Variants in PRKN observed in about 807,000 individuals in gnomAD.
PRKN encodes the protein parkin RBR E3 ubiquitin protein ligase.
In PRKN, 56 loss-of-function variants were observed where a neutral mutation model predicts 59.5. The observed-to-expected ratio is 0.94, with a 90% confidence interval of 0.76 to 1.18. The LOEUF is 1.18. Among genes scored for constraint, PRKN ranks in the 50% most tolerant of loss-of-function variants. The pLI is 0.00. For missense variants in PRKN, 657 were observed against 596.4 expected (o/e 1.10, Z -1.06); for synonymous variants, 250 against 222.1 (o/e 1.13, Z -1.12).
chr6:162,347,990 T>C (rs866389230), intron 2 of PRKN, among the ~76,000 whole-genome samples: 42 of 152,154 alleles, frequency 2.8e-4, no homozygotes, highest in Middle Eastern at 3.2e-3. Flanking sequence ...GACGATGGCC[T>C]CCAAATTTCA....
chr6:161,545,556 T>C lies in PRKN; in HGVS notation c.1083+3298A>G. Reference sequence around the variant, plus strand: ...ATTTCTTCCAGACAATGGCTTTCCATTACACTCCTTAAACCCAGAAAAGAT... The same window carrying C: ...ATTTCTTCCAGACAATGGCTTTCCACTACACTCCTTAAACCCAGAAAAGAT... On this transcript the variant is annotated intron_variant, in intron 9 of 11. Transcript: ENST00000366898. The surrounding 1 kb of genome is among the most constrained non-coding windows in gnomAD (Gnocchi z 4.1). 2 of 757,722 alleles carry C rather than the reference T, an allele frequency of 2.6e-6. No individual in the cohort carries two copies. The highest frequency in any genetic ancestry group is 3.1e-5 in the South Asian group (2 of 65,434). 46.9% of individuals were successfully genotyped at this position (757,722 alleles called of 1,614,324 possible).
intron 1 of PRKN, among the ~76,000 whole-genome samples, chr6:162,701,224 T>C (rs1778140493): frequency 6.6e-6 from 1 of 152,110 alleles, no homozygotes. Context: ...ATAATTGTAA[T>C]GAACAACAAC....
intron 6 of PRKN, among the ~76,000 whole-genome samples, chr6:161,862,663 C>T (rs1008193181): frequency 3.9e-5 from 6 of 152,026 alleles, no homozygotes; most frequent in African/African-American, 1.4e-4. Context: ...GAGGAATGAA[C>T]CACCATGGCT....
intron 7 of PRKN, among the ~76,000 whole-genome samples, chr6:161,697,721 C>G (rs1326416007): frequency 6.6e-6 from 1 of 152,084 alleles, no homozygotes; most frequent in East Asian, 1.9e-4. Context: ...TGACCATTAT[C>G]CAGGAAAACT....
chr6:162,588,784 C>T (rs1781179684), intron 1 of PRKN, among the ~76,000 whole-genome samples: 1 of 152,140 alleles, frequency 6.6e-6, no homozygotes, highest in Non-Finnish European at 1.5e-5. Context: ...ATCTCCTGAC[C>T]TCGTGATCCA....
Position 161,393,324 on chromosome 6 carries a change from G to A in PRKN, c.1084-6447C>T, listed in dbSNP as rs188646324. On this transcript the variant is annotated intron_variant, in intron 9 of 11. Coordinates refer to ENST00000366898, the MANE Select transcript of PRKN (RefSeq NM_004562.3). This position sits in a 1 kb window ranked among gnomAD's most constrained non-coding sequence, Gnocchi z 4.7. Reference sequence around the variant, plus strand: ...TAATAATGACTGTTATGTGAATCTCGGGTAAAACTGACACCTCCCCAGAAA... The same window carrying A: ...TAATAATGACTGTTATGTGAATCTCAGGTAAAACTGACACCTCCCCAGAAA... Among the ~76,000 whole-genome samples, 2 of 151,994 alleles carry A rather than the reference G, an allele frequency of 1.3e-5. No homozygotes were observed. The highest frequency in any genetic ancestry group is 1.9e-4 in the East Asian group (1 of 5,186).
rs781037446 is a variant in PRKN, at chr6:162,056,643, G to C, written c.535-2469C>G. Among the ~76,000 whole-genome samples the C allele has an allele frequency of 3.3e-5, 5 of 152,168 alleles. No individual in the cohort carries two copies. The highest frequency in any genetic ancestry group is 7.3e-5 in the Non-Finnish European group (5 of 68,034). On this transcript the variant is annotated intron_variant, in intron 4 of 11. Transcript: ENST00000366898. The surrounding 1 kb of genome is among the most constrained non-coding windows in gnomAD (Gnocchi z 4.9). ...CAAGCTTGGCCCTTGGCTGGCATCTGGGAATGTGAATTTTGGAAGCGTCCA... is the reference window on the plus strand; with the variant it reads ...CAAGCTTGGCCCTTGGCTGGCATCTCGGAATGTGAATTTTGGAAGCGTCCA...
intron 2 of PRKN, among the ~76,000 whole-genome samples, chr6:162,439,809 G>T (rs1489269525): frequency 6.6e-6 from 1 of 151,784 alleles, no homozygotes; most frequent in Non-Finnish European, 1.5e-5. Flanking sequence ...GTTTTCTCTA[G>T]TTTTTTTATT....
rs1779684547 is a variant in PRKN at position 162,558,123 on chromosome 6, G to A, written c.8-114650C>T. On this transcript the variant is annotated intron_variant, in intron 1 of 11. Coordinates refer to ENST00000366898, the MANE Select transcript of PRKN (RefSeq NM_004562.3). ...TAGATGGCTGCTCCTTACGACAAAGGTTTTATTTGGTGATTTGATGATAAA... is the reference window on the plus strand; with the variant it reads ...TAGATGGCTGCTCCTTACGACAAAGATTTTATTTGGTGATTTGATGATAAA... 4.6e-5 allele frequency among the ~76,000 whole-genome samples: 7 copies of A among 152,048 alleles called. No individual in the cohort carries two copies. In the South Asian group the frequency reaches 1.5e-3, roughly 32 times the overall value.
chr6:162,295,831 C>G lies in PRKN; in HGVS notation c.172-33066G>C, dbSNP rs563207587. Among the ~76,000 whole-genome samples the G allele has an allele frequency of 4.5e-4, 69 of 152,262 alleles. 1 individual carries two copies. The highest frequency in any genetic ancestry group is 1.2e-3 in the African/African-American group (48 of 41,554). On this transcript the variant is annotated intron_variant, in intron 2 of 11. Coordinates refer to ENST00000366898, the MANE Select transcript of PRKN (RefSeq NM_004562.3). The stretch of plus-strand genomic sequence containing the variant: ...TGGCTGCCACTGCAGTTGTCAGAAT[C>G]TGAAATTCAGGAGATGCCCCTTGAC...
At chr6:162,161,021 G>A (rs1782735653) in intron 4 of PRKN, among the ~76,000 whole-genome samples, 1 of 151,958 alleles carries the variant, frequency 6.6e-6, no homozygotes, top group African/African-American at 2.4e-5. Flanking sequence ...CTGTCTATAG[G>A]CAAGGATGGC....
chr6:162,443,871 G>T (rs1159092816), intron 1 of PRKN, among the ~76,000 whole-genome samples: 2 of 151,612 alleles, frequency 1.3e-5, no homozygotes, highest in African/African-American at 4.9e-5. Flanking sequence ...ATAAAAATAG[G>T]AGGCGATGTG....
chr6:162,035,538 T>C (rs1335153298), intron 5 of PRKN, among the ~76,000 whole-genome samples: 2 of 152,228 alleles, frequency 1.3e-5, no homozygotes, highest in Non-Finnish European at 2.9e-5. Context: ...TAAGTCCATC[T>C]GATTTATTTT....
chr6:162,724,842 G>A lies in PRKN; in HGVS notation c.7+2820C>T, dbSNP rs147472099. Among the ~76,000 whole-genome samples the A allele has an allele frequency of 2.0e-3, 297 of 152,286 alleles. 3 individuals are homozygous for A. Among genetic ancestry groups the A allele is most frequent in the African/African-American group, 6.6e-3 (276 of 41,554 alleles). ...TTCTGTTTTATCTAAGTAGTACAAC[G>A]AAGGTCATAAAAAGCCTGAGTAGGC... is the stretch of plus-strand genomic sequence containing the variant. On this transcript the variant is annotated intron_variant, in intron 1 of 11. Coordinates refer to ENST00000366898, the MANE Select transcript of PRKN (RefSeq NM_004562.3).
Position 161,499,287 on chromosome 6 carries a change from A to G in PRKN, c.1083+49567T>C, listed in dbSNP as rs773814132. Among the ~76,000 whole-genome samples the G allele has an allele frequency of 5.3e-5, 8 of 152,136 alleles. No homozygotes were observed. The highest frequency in any genetic ancestry group is 3.3e-4 in the Admixed American group (5 of 15,274). On this transcript the variant is annotated intron_variant, in intron 9 of 11. Transcript: ENST00000366898. This position sits in a 1 kb window ranked among gnomAD's most constrained non-coding sequence, Gnocchi z 4.2. ...CCTCCACTCCTTCCCTTCAGTTGCT[A>G]TTTGTCATTACACATAAATGTCTGT... is the stretch of plus-strand genomic sequence containing the variant.
At chr6:161,972,033 T>C (rs3016544) in intron 6 of PRKN, among the ~76,000 whole-genome samples, 72,582 of 151,960 alleles carry the variant, frequency 0.48, 17,466 homozygotes, top group Middle Eastern at 0.59. Flanking sequence ...CAGCACTTGG[T>C]GGGGCTAAGG....
intron 7 of PRKN, among the ~76,000 whole-genome samples, chr6:161,669,764 C>A (rs56016730): frequency 0.088 from 13,463 of 152,248 alleles, 891 homozygotes; most frequent in African/African-American, 0.18. Flanking sequence ...ACTGTTTCTA[C>A]ATGTGGTGTG....
At chr6:162,580,109 G>A (rs983106887) in intron 1 of PRKN, among the ~76,000 whole-genome samples, 2 of 152,114 alleles carry the variant, frequency 1.3e-5, no homozygotes, top group East Asian at 1.9e-4. Flanking sequence ...CTGGACTTTC[G>A]GTGACAAGGA....
At chr6:161,743,626 C>T (rs1404305404) in intron 7 of PRKN, among the ~76,000 whole-genome samples, 1 of 151,998 alleles carries the variant, frequency 6.6e-6, no homozygotes, top group Admixed American at 6.6e-5. Context: ...TTGTCCTCCG[C>T]CCCCACTTGC....
Sources: gnomAD v4.1 joint callset for allele counts (sites outside exome capture counted in the v4.1 genomes callset) on GRCh38, gnomAD v4.1.1 for gene constraint, Gnocchi (gnomAD v3.1) non-coding constraint, MANE v1.5 for transcripts, NCBI Gene and HGNC (gene_info 2026-07-23, HGNC 2026-07-21) for gene names.